The following SULF1 variants were observed in gnomAD, a reference collection of about 807,000 sequenced individuals.
SULF1 encodes extracellular sulfatase Sulf-1.
SULF1 carries 46 observed loss-of-function variants against 110.5 expected under a neutral mutation model. The observed-to-expected ratio is 0.42, with a 90% CI of 0.33 to 0.53. The LOEUF (loss-of-function observed/expected upper bound fraction) is 0.53, where lower values mean the gene tolerates loss of function less well. SULF1 is among the 20% of genes least tolerant of loss of function. SULF1 has a pLI of 0.12. For synonymous variants in SULF1, 371 were observed against 387.1 expected, an observed-to-expected ratio of 0.96 and a Z score of 0.49; for missense variants, 941 against 1,094.2, an observed-to-expected ratio of 0.86 and a Z score of 1.98.
In SULF1 at chr8:69,541,178, C is replaced by T. The variant is rs146278973; in HGVS notation, c.-133-22361C>T. 6.9e-4 allele frequency among the ~76,000 whole-genome samples: 105 copies of T among 152,210 alleles called. 1 individual carries two copies. The East Asian group carries it at 0.018, about 25-fold the overall frequency. On this transcript the variant is annotated intron_variant, in intron 3 of 22. Transcript: ENST00000402687. The stretch of plus-strand genomic sequence containing the variant: ...TCTCCAGGCCTATATATTAATTTCC[C>T]ACTAAATTCAATCAGATGTCACAGA...
chr8:69,495,594 CAGTCTT>C (rs1810291832), intron 1 of SULF1, among the ~76,000 whole-genome samples, 165 bp from the exon 2 acceptor site: 1 of 152,164 alleles, frequency 6.6e-6, no homozygotes, highest in Non-Finnish European at 1.5e-5. Context: ...ATGTCTAGGG[CAGTCTT>C]GCCTGTAGCT....
At chr8:69,626,711 C>G (rs1338787584) in intron 15 of SULF1, among the ~76,000 whole-genome samples, 1 of 152,362 alleles carries the variant, frequency 6.6e-6, no homozygotes, top group East Asian at 1.9e-4. Flanking sequence ...GCCGCTGGCC[C>G]GGGTGCTAAG....
chr8:69,507,076 C>T (rs909471615), intron 3 of SULF1, among the ~76,000 whole-genome samples: 2 of 152,136 alleles, frequency 1.3e-5, no homozygotes, highest in Non-Finnish European at 2.9e-5. Context: ...TGAAATGGCC[C>T]ACACTGGACC....
chr8:69,643,217 A>T (rs1811623462), intron 22 of SULF1, among the ~76,000 whole-genome samples: 2 of 152,236 alleles, frequency 1.3e-5, no homozygotes. Flanking sequence ...ACCCAAATGC[A>T]GTGTTTGATG....
chr8:69,479,753 G>A (rs1471797193), intron 1 of SULF1, among the ~76,000 whole-genome samples: 5 of 152,142 alleles, frequency 3.3e-5, no homozygotes, highest in Non-Finnish European at 7.4e-5. Context: ...GGGTTTGTTG[G>A]GAGACCTGCC....
chr8:69,568,064 C>T (rs1804922665), intron 5 of SULF1, among the ~76,000 whole-genome samples: 1 of 152,144 alleles, frequency 6.6e-6, no homozygotes, highest in African/African-American at 2.4e-5. Context: ...CTCATTGTCA[C>T]TTTGATATGG....
At chr8:69,525,284 A>G (rs1812580625) in intron 3 of SULF1, among the ~76,000 whole-genome samples, 1 of 152,178 alleles carries the variant, frequency 6.6e-6, no homozygotes, top group Admixed American at 6.5e-5. Flanking sequence ...AAATTGCTCA[A>G]TGGTACTAAG....
At chr8:69,618,875 CATCATGAATAATTGCAT>C in intron 13 of SULF1, among the ~76,000 whole-genome samples, 1 of 152,282 alleles carries the variant, frequency 6.6e-6, no homozygotes, top group African/African-American at 2.4e-5. Context: ...CATCTTGGTT[CATCATGAATAATTGCAT>C]ATCATTTTGT....
intron 2 of SULF1, among the ~76,000 whole-genome samples, chr8:69,499,965 T>G (rs188421241): frequency 6.6e-6 from 1 of 152,102 alleles, no homozygotes; most frequent in East Asian, 1.9e-4. Context: ...TTGCCCAGGC[T>G]GGTCTTGAAC....
At chr8:69,649,876 T>G (rs1563632354) in intron 22 of SULF1, among the ~76,000 whole-genome samples, 1 of 151,588 alleles carries the variant, frequency 6.6e-6, no homozygotes, top group African/African-American at 2.4e-5. Flanking sequence ...CTACCAGCTT[T>G]TAAGGCATTC....
chr8:69,536,013 G>A (rs1323440561), intron 3 of SULF1, among the ~76,000 whole-genome samples: 1 of 149,842 alleles, frequency 6.7e-6, no homozygotes, highest in Non-Finnish European at 1.5e-5. Flanking sequence ...ACGAGACTCC[G>A]ACTCAAAAAA....
intron 19 of SULF1, among the ~76,000 whole-genome samples, chr8:69,630,975 C>G (rs577588169): frequency 1.4e-4 from 22 of 151,900 alleles, no homozygotes; most frequent in Admixed American, 1.1e-3. Context: ...CCCCTGCCCC[C>G]ACCCTGCAAC....
intron 22 of SULF1, among the ~76,000 whole-genome samples, chr8:69,647,691 G>A (rs545841845): frequency 1.3e-5 from 2 of 152,036 alleles, no homozygotes; most frequent in East Asian, 2.0e-4. Flanking sequence ...CACCTCGTTC[G>A]AGACCAGCCT....
intron 5 of SULF1, among the ~76,000 whole-genome samples, chr8:69,572,009 C>T (rs546220748): frequency 6.6e-6 from 1 of 152,314 alleles, no homozygotes; most frequent in African/African-American, 2.4e-5. Flanking sequence ...TAAAGACAGA[C>T]AGATCCACAG....
intron 3 of SULF1, among the ~76,000 whole-genome samples, chr8:69,544,644 C>T (rs4636219): frequency 2.0e-5 from 3 of 151,976 alleles, no homozygotes; most frequent in African/African-American, 4.8e-5. Context: ...TCAGTGAAGG[C>T]AGAATTCCTA....
chr8:69,634,366 G>A (rs554627422), intron 19 of SULF1, among the ~76,000 whole-genome samples: 9 of 152,254 alleles, frequency 5.9e-5, no homozygotes, highest in Admixed American at 3.3e-4. Flanking sequence ...TAGAATTATT[G>A]TCATAAGTTA....
rs1186126485 is a variant in SULF1, at chr8:69,653,858, C to A, written c.2586-4647C>A. Among the ~76,000 whole-genome samples the A allele has an allele frequency of 3.3e-5, 5 of 152,286 alleles. No individual in the cohort carries two copies. In the East Asian group the frequency reaches 9.7e-4, roughly 29 times the overall value. On this transcript the variant is annotated intron_variant, in intron 22 of 22. Transcript: ENST00000402687. ...AGGATCTCTGTGAACTGGGGGTAGA[C>A]CAAATACATTTTTCTTATTATGCCC...
chr8:69,609,389 C>T (rs1342616527), intron 13 of SULF1, among the ~76,000 whole-genome samples: 1 of 152,262 alleles, frequency 6.6e-6, no homozygotes, highest in East Asian at 1.9e-4. Context: ...AATAAACTCA[C>T]CTGGGTGGCA....
At chr8:69,485,439 T>C (rs1407999229) in intron 1 of SULF1, among the ~76,000 whole-genome samples, 1 of 152,142 alleles carries the variant, frequency 6.6e-6, no homozygotes, top group African/African-American at 2.4e-5. Context: ...GTTCAAAGCC[T>C]TATAGCAATT....
Sources: gnomAD v4.1 joint callset for allele counts (sites outside exome capture counted in the v4.1 genomes callset) on GRCh38, gnomAD v4.1.1 for gene constraint, MANE v1.5 for transcripts, NCBI Gene and HGNC (gene_info 2026-07-23, HGNC 2026-07-21) for gene names.